CELF5: variants seen among roughly 807,000 people sequenced by gnomAD.
The protein encoded by CELF5 is CUG-BP and ETR-3 like factor 5.
In CELF5, 6 loss-of-function variants were observed where a neutral mutation model predicts 54.9. The observed-to-expected ratio is 0.11, with a 90% CI of 0.06 to 0.22. The LOEUF (loss-of-function observed/expected upper bound fraction) is 0.22, where lower values mean the gene tolerates loss of function less well. Among genes scored for constraint, CELF5 ranks in the 10% least tolerant of loss-of-function variants. The probability of loss-of-function intolerance (pLI) is 1.00; values close to 1 mark genes in which losing one functional copy is unlikely to be tolerated. For synonymous variants in CELF5, 271 were observed against 290.9 expected, an observed-to-expected ratio of 0.93 and a Z score of 0.70; for missense variants, 401 against 678.6, an observed-to-expected ratio of 0.59 and a Z score of 4.54.
intron 2 of CELF5, among the ~76,000 whole-genome samples, chr19:3,266,856 G>A (rs562130624): frequency 1.0e-3 from 158 of 152,290 alleles, no homozygotes; most frequent in African/African-American, 3.6e-3. Context: ...GAGCACGCTC[G>A]CTCATCTGAG....
At chr19:3,269,826 G>A (rs374356610) in intron 2 of CELF5, among the ~76,000 whole-genome samples, 1 of 152,140 alleles carries the variant, frequency 6.6e-6, no homozygotes. Flanking sequence ...CAGTGGAAGC[G>A]ATCATAGCTC....
intron 1 of CELF5, among the ~76,000 whole-genome samples, chr19:3,236,459 A>G (rs1458897423): frequency 6.6e-6 from 1 of 152,116 alleles, no homozygotes; most frequent in Non-Finnish European, 1.5e-5. Context: ...CTTATCTCCA[A>G]TCACTAGATT....
chr19:3,261,959 A>C (rs2079812227), intron 2 of CELF5, among the ~76,000 whole-genome samples: 1 of 152,188 alleles, frequency 6.6e-6, no homozygotes, highest in Non-Finnish European at 1.5e-5. Context: ...TGTGCTGATC[A>C]CTAGCTCCGT....
rs142642502 is a variant in CELF5, at chr19:3,252,618, G to A, written c.342+1551G>A. 9.9e-4 allele frequency among the ~76,000 whole-genome samples: 150 copies of A among 152,228 alleles called. 1 individual carries two copies. The highest frequency in any genetic ancestry group is 1.9e-3 in the East Asian group (10 of 5,158). ...GCTGACTGTAGGAAATCTGACGTGC[G>A]CCTTCCAGGGACCCGAGGTCATGGC... On this transcript the variant is annotated intron_variant, in intron 2 of 12. Transcript: ENST00000292672.
In CELF5 at chr19:3,291,313, C is replaced by A. The variant is rs562068223; in HGVS notation, c.1330+939C>A. On this transcript the variant is annotated intron_variant, in intron 11 of 12. Transcript: ENST00000292672. ...AGGCGCAGTGGCTCACACCTGTAGTCCCAGACCTTTGGGAGGCTGAGGTGG... is the reference window on the plus strand; with the variant it reads ...AGGCGCAGTGGCTCACACCTGTAGTACCAGACCTTTGGGAGGCTGAGGTGG... Among the ~76,000 whole-genome samples, 427 of 152,006 alleles carry A rather than the reference C, an allele frequency of 2.8e-3. 1 individual carries two copies. Among genetic ancestry groups the A allele is most frequent in the Non-Finnish European group, 5.4e-3 (365 of 67,964 alleles).
At position 3,290,373 on chromosome 19, in the gene CELF5, C is replaced by CGGTGAGT. The variant is rs1236029698; in HGVS notation, c.1330+2_1330+8dup. On this transcript the variant is annotated frameshift_variant and splice_region_variant, in exon 11 of 13. Coordinates refer to ENST00000292672, the MANE Select transcript of CELF5 (RefSeq NM_021938.4). LOFTEE classifies it high-confidence loss of function. ...GAGCTACCAACCAGAGCAAGTGTTT[C>CGGTGAGT]GGTGAGTGGCCGCCGACGCCACCCC... The CGGTGAGT allele has an allele frequency of 6.2e-7, 1 of 1,613,014 alleles. No individual in the cohort carries two copies.
chr19:3,281,295 A>G lies in CELF5; in HGVS notation c.700A>G (p.Thr234Ala). 1 of 1,611,768 alleles carries G rather than the reference A, an allele frequency of 6.2e-7. No homozygotes were observed. The change falls in exon 6 of 13, where the codon ACG becomes GCG. Residue 234 changes from threonine to alanine, a missense_variant. Thr to Ala is a moderately conservative substitution (Grantham distance 58). Around this residue, in one of 6 missense-constraint regions of CELF5, gnomAD observed 87 missense variants for 190.2 expected, o/e 0.46. Transcript: ENST00000292672. This position sits in a 1 kb window ranked among gnomAD's most constrained non-coding sequence, Gnocchi z 6.5. ...QQMVGQLGILTPSLTLPFSPY... is the reference protein window; with the variant it reads ...QQMVGQLGILAPSLTLPFSPY... ...GATGGTGGGCCAGCTGGGCATCCTG[A>G]CGCCGTCCCTCACATTGCCCTTCAG...
chr19:3,263,493 G>A (rs888412203), intron 2 of CELF5, among the ~76,000 whole-genome samples: 2 of 151,998 alleles, frequency 1.3e-5, no homozygotes, highest in African/African-American at 2.4e-5. Context: ...CCCGGGAGAC[G>A]GAGGTTGCAG....
At chr19:3,293,884 C>T (rs765886064) in intron 12 of CELF5, 61 of 166,706 alleles carry the variant, frequency 3.7e-4, no homozygotes, top group Non-Finnish European at 5.7e-4. Context: ...CAACACCAGA[C>T]GGAAATGCCA....
chr19:3,288,232 C>A (rs930373815), intron 10 of CELF5, among the ~76,000 whole-genome samples: 9 of 152,106 alleles, frequency 5.9e-5, no homozygotes, highest in Non-Finnish European at 1.2e-4. Flanking sequence ...ATTTCAAGAA[C>A]AAGCATTGGC....
At chr19:3,270,708 G>C (rs918934627) in intron 2 of CELF5, 1 of 151,760 alleles carries the variant, frequency 6.6e-6, no homozygotes, top group Non-Finnish European at 1.5e-5. Context: ...GGGACGGCCG[G>C]GCCGCGGAGC....
At chr19:3,229,131 C>T (rs887923774) in intron 1 of CELF5, among the ~76,000 whole-genome samples, 3 of 134,748 alleles carry the variant, frequency 2.2e-5, no homozygotes, top group Non-Finnish European at 1.6e-5. Context: ...ATTTATTGAA[C>T]GCCTACTGTT....
intron 2 of CELF5, among the ~76,000 whole-genome samples, chr19:3,254,468 T>G (rs539255942): frequency 3.3e-5 from 5 of 150,742 alleles, no homozygotes; most frequent in African/African-American, 1.2e-4. Context: ...CATCCATCTA[T>G]CCATCCACCC....
At chr19:3,256,576 AAT>A (rs2145083987) in intron 2 of CELF5, among the ~76,000 whole-genome samples, 1 of 132,992 alleles carries the variant, frequency 7.5e-6, no homozygotes. Flanking sequence ...TATTATTATT[AAT>A]TTTTTTTTGA....
Position 3,285,267 on chromosome 19 carries a change from C to T in CELF5, c.1102+303C>T, listed in dbSNP as rs558916217. 6.6e-5 allele frequency among the ~76,000 whole-genome samples: 10 copies of T among 152,122 alleles called. No homozygotes were observed. In the South Asian group the frequency reaches 2.1e-3, roughly 32 times the overall value. ...GTTGGGGAGAGGGAATTCCCCTTGACCACGTCTCTAGCTCTGACCCAACCC... is the reference window on the plus strand; with the variant it reads ...GTTGGGGAGAGGGAATTCCCCTTGATCACGTCTCTAGCTCTGACCCAACCC... On this transcript the variant is annotated intron_variant, in intron 9 of 12. Coordinates refer to ENST00000292672, the MANE Select transcript of CELF5 (RefSeq NM_021938.4).
intron 1 of CELF5, among the ~76,000 whole-genome samples, chr19:3,243,131 A>G (rs2079514625): frequency 1.3e-5 from 2 of 152,134 alleles, no homozygotes; most frequent in African/African-American, 4.8e-5. Context: ...ATGATTCAGT[A>G]TAGAGTATAA....
rs2080088512 is a variant in CELF5, at chr19:3,278,211, AG to A, written c.603+102del. ...ATTCCTACCGTCGCTGTCATCCGGT[AG>A]CCCCTGGCTGTCCTTCAGAGGGGGC... On this transcript the variant is annotated intron_variant, in intron 5 of 12. Coordinates refer to ENST00000292672, the MANE Select transcript of CELF5 (RefSeq NM_021938.4). This position sits in a 1 kb window ranked among gnomAD's most constrained non-coding sequence, Gnocchi z 4.5. 1 of 838,692 alleles carries A rather than the reference AG, an allele frequency of 1.2e-6. No individual in the cohort carries two copies. Among genetic ancestry groups the A allele is most frequent in the Non-Finnish European group, 1.9e-6 (1 of 529,806 alleles). 52.0% of individuals were successfully genotyped at this position (838,692 alleles called of 1,614,324 possible). A position where few individuals can be genotyped will look rare whatever the true frequency, so the allele number is the denominator to read the frequency against.
intron 8 of CELF5, chr19:3,284,654 G>A: frequency 1.8e-6 from 1 of 547,226 alleles, no homozygotes; most frequent in South Asian, 2.2e-5. Context: ...AGATGGGGAC[G>A]ATGGTGATCT....
intron 1 of CELF5, among the ~76,000 whole-genome samples, chr19:3,235,453 C>A (rs1310940687): frequency 5.2e-5 from 6 of 114,536 alleles, no homozygotes; most frequent in Non-Finnish European, 9.4e-5. Context: ...TGCTGTGTCA[C>A]CAGTGCCTAA....
Sources: allele counts gnomAD v4.1 joint callset (sites outside exome capture counted in the v4.1 genomes callset), GRCh38; gene constraint gnomAD v4.1.1; regional missense constraint gnomAD v4.1.1; non-coding constraint Gnocchi (gnomAD v3.1); transcripts MANE v1.5; gene names NCBI Gene and HGNC (gene_info 2026-07-23, HGNC 2026-07-21).